Variants in R3HDM1 observed in about 807,000 individuals in gnomAD.
The protein encoded by R3HDM1 is R3H domain containing 1.
Under a neutral mutation model 141.1 loss-of-function variants are expected in R3HDM1, and 46 were observed. The observed-to-expected ratio is 0.33, with a 90% confidence interval of 0.26 to 0.42. The LOEUF is 0.42. Among genes scored for constraint, R3HDM1 ranks in the 10% least tolerant of loss-of-function variants. The pLI, the probability that R3HDM1 is intolerant of heterozygous loss-of-function variation, is 1.00. For missense variants in R3HDM1, 1,184 were observed against 1,368.3 expected (o/e 0.87, Z 2.12); for synonymous variants, 435 against 472.9 (o/e 0.92, Z 1.04).
chr2:135,631,682 A>G (rs1411828025), intron 7 of R3HDM1, 36 bp from the exon 8 acceptor site: 1 of 1,496,524 alleles, frequency 6.7e-7, no homozygotes, highest in East Asian at 2.4e-5. Flanking sequence ...TTCATTGCTA[A>G]GTTTTACATA....
At chr2:135,667,345 G>A in intron 19 of R3HDM1, 1 of 588,830 alleles carries the variant, frequency 1.7e-6, no homozygotes, top group Non-Finnish European at 2.1e-6. Flanking sequence ...AAAGAAATGG[G>A]ATAATATTGC....
At chr2:135,680,497 C>T (rs1311206423) in intron 21 of R3HDM1, among the ~76,000 whole-genome samples, 173 bp downstream of exon 21, 2 of 152,142 alleles carry the variant, frequency 1.3e-5, no homozygotes, top group African/African-American at 4.8e-5. Context: ...CGGCTAGGTA[C>T]GGTGGCTCAC....
chr2:135,709,015 T>G (rs1208074744), intron 21 of R3HDM1, among the ~76,000 whole-genome samples: 2 of 152,016 alleles, frequency 1.3e-5, no homozygotes, highest in Non-Finnish European at 2.9e-5. Flanking sequence ...CTTAATGGTT[T>G]CACACTAATA....
chr2:135,643,608 A>C (rs1366895492), intron 15 of R3HDM1, among the ~76,000 whole-genome samples: 1 of 152,178 alleles, frequency 6.6e-6, no homozygotes, highest in African/African-American at 2.4e-5. Flanking sequence ...AAAAATACTA[A>C]TCTTTTAATC....
chr2:135,672,390 A>G (rs893446366), intron 19 of R3HDM1, among the ~76,000 whole-genome samples: 2 of 152,208 alleles, frequency 1.3e-5, no homozygotes, highest in African/African-American at 4.8e-5. Context: ...ATTCCCCATT[A>G]AAACATATTA....
chr2:135,650,289 T>C (rs1466443757), intron 17 of R3HDM1: 13 of 985,456 alleles, frequency 1.3e-5, no homozygotes, highest in Non-Finnish European at 1.4e-5. Flanking sequence ...AACTTTCTCA[T>C]TGAGGCCACT....
chr2:135,671,723 C>T (rs2068384014), intron 19 of R3HDM1, among the ~76,000 whole-genome samples: 1 of 151,970 alleles, frequency 6.6e-6, no homozygotes, highest in African/African-American at 2.4e-5. Context: ...TGCCTATAAT[C>T]GCAGCACTTT....
chr2:135,571,527 C>T (rs984638266), intron 1 of R3HDM1, among the ~76,000 whole-genome samples: 4 of 151,950 alleles, frequency 2.6e-5, no homozygotes, highest in South Asian at 2.1e-4. Flanking sequence ...GGTTTCACCA[C>T]GTTGCCCAGA....
chr2:135,656,023 A>G (rs1012947239), intron 18 of R3HDM1, among the ~76,000 whole-genome samples: 2 of 152,040 alleles, frequency 1.3e-5, no homozygotes, highest in Non-Finnish European at 2.9e-5. Flanking sequence ...CATTGATTTC[A>G]TATTCTATTG....
chr2:135,670,922 G>A (rs2068239335), intron 19 of R3HDM1, among the ~76,000 whole-genome samples: 1 of 151,800 alleles, frequency 6.6e-6, no homozygotes, highest in African/African-American at 2.4e-5. Context: ...AGCTAGGTGA[G>A]GTGGCGCGCA....
At chr2:135,675,799 G>A (rs955377865) in intron 20 of R3HDM1, among the ~76,000 whole-genome samples, 1 of 152,194 alleles carries the variant, frequency 6.6e-6, no homozygotes, top group Non-Finnish European at 1.5e-5. Context: ...ATAGGTAGAT[G>A]AGCAAATGTC....
chr2:135,589,092 C>G (rs1198007604), intron 1 of R3HDM1, among the ~76,000 whole-genome samples: 1 of 152,100 alleles, frequency 6.6e-6, no homozygotes, highest in Non-Finnish European at 1.5e-5. Flanking sequence ...AACCTAGCAA[C>G]TGTCATTATA....
Position 135,651,898 on chromosome 2 carries a change from C to T in R3HDM1, c.1894C>T (p.Pro632Ser). ...CCCTCCACCACATCCTCCTCCACCG[C>T]CACCACCACCACCTCCTCCTCCTCC... ...AAPPPHPPPP[P>S]PPPPPPPPLP... Residue 632 changes from proline (P) to serine (S), a missense_variant, in exon 18 of 27, where the codon CCA (proline) becomes TCA (serine). Pro to Ser is a moderately conservative substitution (Grantham distance 74, BLOSUM62 -1). Transcript: ENST00000683871. 1 of 1,613,190 alleles carries T rather than the reference C, an allele frequency of 6.2e-7. No homozygotes were observed. Among genetic ancestry groups the T allele is most frequent in the Non-Finnish European group, 8.5e-7 (1 of 1,179,402 alleles).
At chr2:135,590,429 C>T (rs529217792) in intron 1 of R3HDM1, 82 of 437,064 alleles carry the variant, frequency 1.9e-4, no homozygotes, top group African/African-American at 1.6e-3. Context: ...AACTGTATGC[C>T]CCCTTGAGCT....
chr2:135,588,973 TAC>T (rs2105055336), intron 1 of R3HDM1, among the ~76,000 whole-genome samples: 1 of 152,278 alleles, frequency 6.6e-6, no homozygotes, highest in South Asian at 2.1e-4. Flanking sequence ...GCGAAAACAG[TAC>T]AGAGAGTATT....
intron 1 of R3HDM1, among the ~76,000 whole-genome samples, chr2:135,596,140 AG>A (rs2059161669): frequency 2.0e-5 from 3 of 152,104 alleles, no homozygotes; most frequent in Admixed American, 2.0e-4. Context: ...CTGGGATTAC[AG>A]GTGTGCACCA....
In R3HDM1 at chr2:135,605,022, C is replaced by T. The variant is rs116091208; in HGVS notation, c.171+6C>T. 3.5e-4 allele frequency: 549 copies of T among 1,565,566 alleles called. No homozygotes were observed. In the African/African-American group the frequency reaches 6.5e-3, roughly 19 times the overall value. On this transcript the variant is annotated splice_donor_region_variant and intron_variant, in intron 3 of 26. Transcript: ENST00000683871. ...AGAACAATATAGATTTGCAGGTAAA[C>T]AGGAATTTTTCTCTGGCTACAAATA...
intron 14 of R3HDM1, among the ~76,000 whole-genome samples, chr2:135,640,114 A>G (rs1194089876): frequency 1.3e-5 from 2 of 151,782 alleles, no homozygotes; most frequent in Non-Finnish European, 1.5e-5. Flanking sequence ...AAAAAAAAAA[A>G]GGAAAAGAAA....
At chr2:135,660,893 A>G (rs933966779) in intron 18 of R3HDM1, among the ~76,000 whole-genome samples, 3 of 151,736 alleles carry the variant, frequency 2.0e-5, no homozygotes, top group Non-Finnish European at 4.4e-5. Flanking sequence ...ATGTATGGAT[A>G]ATAGATATAT....
Sources: allele counts gnomAD v4.1 joint callset (sites outside exome capture counted in the v4.1 genomes callset), GRCh38; gene constraint gnomAD v4.1.1; transcripts MANE v1.5; gene names NCBI Gene and HGNC (gene_info 2026-07-23, HGNC 2026-07-21).